The following WIZ variants were observed in gnomAD, a reference collection of about 807,000 sequenced individuals.
WIZ encodes the protein WIZ zinc finger, also known as protein Wiz.
WIZ carries 25 observed loss-of-function variants against 140.2 expected under a neutral mutation model. That is an observed-to-expected ratio of 0.18 (90% CI 0.13 to 0.25). The LOEUF is 0.25. Ranked by LOEUF, WIZ falls within the 10% of genes least tolerant of loss-of-function variation. The probability of loss-of-function intolerance (pLI) is 1.00; values close to 1 mark genes in which losing one functional copy is unlikely to be tolerated. For synonymous variants in WIZ, 1,125 were observed against 1,154.3 expected, an observed-to-expected ratio of 0.97 and a Z score of 0.51; for missense variants, 2,231 against 2,632.6, an observed-to-expected ratio of 0.85 and a Z score of 3.34.
chr19:15,423,908 T>C (rs1968537481), intron 12 of WIZ, among the ~76,000 whole-genome samples: 1 of 152,248 alleles, frequency 6.6e-6, no homozygotes, highest in Non-Finnish European at 1.5e-5. Flanking sequence ...AGGTTTGTTA[T>C]CAACCCGCTT....
rs527421214 is a variant in WIZ, at chr19:15,437,570, T to A, written c.2417-441A>T. Among the ~76,000 whole-genome samples, 461 of 152,312 alleles carry A rather than the reference T, an allele frequency of 3.0e-3. 2 individuals carry two copies. Among genetic ancestry groups the A allele is most frequent in the Non-Finnish European group, 4.3e-3 (291 of 68,026 alleles). On this transcript the variant is annotated intron_variant, in intron 4 of 12. Coordinates refer to ENST00000673675, the MANE Select transcript of WIZ (RefSeq NM_001371589.1). The stretch of plus-strand genomic sequence containing the variant: ...ACTTGGGAGGCTAAGGTGGGAGGAT[T>A]GCTTGAGCTTAGGAGTTTGAGGCTG...
chr19:15,427,239 T>G lies in WIZ; in HGVS notation c.4109A>C (p.His1370Pro), dbSNP rs773188946. ...SLEARSPSDL[H>P]ISPLAKKLPP... The stretch of plus-strand genomic sequence containing the variant: ...CAACTTCTTGGCCAAGGGTGAGATG[T>G]GAAGGTCCGAGGGGCTGCGGGCTTC... The change falls in exon 9 of 13, where the codon CAC (histidine) becomes CCC (proline). Residue 1370 changes from histidine to proline, a missense_variant. Coordinates refer to ENST00000673675, the MANE Select transcript of WIZ (RefSeq NM_001371589.1). This position sits in a 1 kb window ranked among gnomAD's most constrained non-coding sequence, Gnocchi z 6.4. The G allele has an allele frequency of 2.5e-6, 4 of 1,613,876 alleles. No homozygotes were observed. The Admixed American group carries it at 6.7e-5, about 27-fold the overall frequency.
At position 15,427,481 on chromosome 19, in the gene WIZ, G is replaced by A; in HGVS notation, c.3867C>T (p.Phe1289=). ...RDIRCEFCGE[F]FENRKGLSSH... is the part of the protein sequence containing the mutation. ...TCGAGAGGCCCTTGCGGTTCTCGAA[G>A]AACTCACCACAGAACTCGCAGCGGA... Residue 1289 remains phenylalanine (F), a synonymous_variant, in exon 9 of 13, where the codon TTC becomes TTT. Transcript: ENST00000673675. This position sits in a 1 kb window ranked among gnomAD's most constrained non-coding sequence, Gnocchi z 6.4. 2 of 1,613,210 alleles carry A rather than the reference G, an allele frequency of 1.2e-6. No individual in the cohort carries two copies. The highest frequency in any genetic ancestry group is 1.3e-5 in the African/African-American group (1 of 75,052).
rs781283101 is a variant in WIZ at position 15,425,475 on chromosome 19, G to A, written c.4660C>T (p.Leu1554=). 12 of 1,602,276 alleles carry A rather than the reference G, an allele frequency of 7.5e-6. No homozygotes were observed. In the African/African-American group the frequency reaches 1.6e-4, roughly 21 times the overall value. ...PVQSPLPLSP[L]AGRPGKPGAG... Reference sequence around the variant, plus strand: ...CCTGGTTTGCCTGGCCGGCCAGCCAGGGGCGACAGCGGCAGTGGGGACTGC... The same window carrying A: ...CCTGGTTTGCCTGGCCGGCCAGCCAAGGGCGACAGCGGCAGTGGGGACTGC... Residue 1554 remains leucine (L), a synonymous_variant, in exon 10 of 13, where the codon CTG becomes TTG. Coordinates refer to ENST00000673675, the MANE Select transcript of WIZ (RefSeq NM_001371589.1).
chr19:15,448,330 A>T lies in WIZ; in HGVS notation c.-23T>A, dbSNP rs562708225. 1 of 1,607,708 alleles carries T rather than the reference A, an allele frequency of 6.2e-7. No individual in the cohort carries two copies. The highest frequency in any genetic ancestry group is 1.7e-5 in the Admixed American group (1 of 59,832). Reference sequence around the variant, plus strand: ...CATCGGATTTTCTCTGCTTGGATCCACTCAGCTGCTGCACCGGCTCAGCGG... The same window carrying T: ...CATCGGATTTTCTCTGCTTGGATCCTCTCAGCTGCTGCACCGGCTCAGCGG... On this transcript the variant is annotated 5_prime_UTR_variant, in exon 2 of 13. Transcript: ENST00000673675.
Position 15,440,542 on chromosome 19 carries a change from G to A in WIZ, c.452C>T (p.Thr151Ile). 6.5e-7 allele frequency: 1 copy of A among 1,536,166 alleles called. No homozygotes were observed. Among genetic ancestry groups the A allele is most frequent in the South Asian group, 1.2e-5 (1 of 84,066 alleles). Residue 151 changes from threonine to isoleucine, a missense_variant, in exon 4 of 13, where the codon ACC (threonine) becomes ATC (isoleucine). By Grantham distance (89) the Thr-to-Ile change is moderately conservative. Transcript: ENST00000673675. This position sits in a 1 kb window ranked among gnomAD's most constrained non-coding sequence, Gnocchi z 6.2. ...CTCTAGCTCAGCGTGGGGTTTCATG[G>A]TTCTCACAATGACTGAGTCCTCGAA... Reference protein sequence around the residue: ...RRFEDSVIVRTMKPHAELEGS... With the variant: ...RRFEDSVIVRIMKPHAELEGS...
rs764081241 is a variant in WIZ, at chr19:15,424,822, T to C, written c.5105A>G (p.Lys1702Arg). 1.2e-6 allele frequency: 2 copies of C among 1,609,274 alleles called. No homozygotes were observed. The highest frequency in any genetic ancestry group is 1.1e-5 in the South Asian group (1 of 90,204). ...GCCATGGCCGGCACTGCGGAACTTCTTGGTGAAGGGGCGGCCGCCCTGGAT... is the reference window on the plus strand; with the variant it reads ...GCCATGGCCGGCACTGCGGAACTTCCTGGTGAAGGGGCGGCCGCCCTGGAT... ...SYIQGGRPFT[K>R]KFRSAGHGRD... Residue 1702 changes from lysine (K) to arginine (R), a missense_variant, in exon 11 of 13, where the codon AAG becomes AGG. By Grantham distance (26) the Lys-to-Arg change is conservative (BLOSUM62 2). Around this residue, in one of 15 missense-constraint regions of WIZ, gnomAD observed 299 missense variants for 309.6 expected, o/e 0.97. Transcript: ENST00000673675. This position sits in a 1 kb window ranked among gnomAD's most constrained non-coding sequence, Gnocchi z 9.7.
Position 15,429,777 on chromosome 19 carries a change from G to A in WIZ, c.3224C>T (p.Pro1075Leu). Reference protein sequence around the residue: ...PAVNKAIKSPPGFSAKGLGHP... With the variant: ...PAVNKAIKSPLGFSAKGLGHP... Reference sequence around the variant, plus strand: ...GCCCAGGCCCTTGGCCGAGAAGCCGGGAGGCGACTTGATGGCTTTGTTGAC... The same window carrying A: ...GCCCAGGCCCTTGGCCGAGAAGCCGAGAGGCGACTTGATGGCTTTGTTGAC... The change falls in exon 7 of 13, where the codon CCC (proline) becomes CTC (leucine). Residue 1075 changes from proline (P) to leucine (L), a missense_variant. Physicochemically the swap from Pro to Leu is moderately conservative, Grantham distance 98. Coordinates refer to ENST00000673675, the MANE Select transcript of WIZ (RefSeq NM_001371589.1). 6.6e-7 allele frequency: 1 copy of A among 1,516,134 alleles called. No homozygotes were observed. Among genetic ancestry groups the A allele is most frequent in the Non-Finnish European group, 8.8e-7 (1 of 1,134,260 alleles). The allele number at this position is 1,516,134 out of a possible 1,614,324, so 93.9% of individuals were successfully genotyped here.
Position 15,448,280 on chromosome 19 carries a change from C to A in WIZ, c.28G>T (p.Ala10Ser). The A allele has an allele frequency of 6.2e-7, 1 of 1,613,122 alleles. No individual in the cohort carries two copies. Among genetic ancestry groups the A allele is most frequent in the South Asian group, 1.1e-5 (1 of 91,072 alleles). The stretch of plus-strand genomic sequence containing the variant: ...GGGCCTTGGGGACGATCTGGTGCAG[C>A]CAGGCTGCCTGCCAGAGACCCCTCC... The part of the protein sequence containing the change: MEGSLAGSL[A>S]APDRPQGPER... The change falls in exon 2 of 13, where the codon GCT becomes TCT. Residue 10 changes from alanine to serine, a missense_variant. Physicochemically the swap from Ala to Ser is moderately conservative, Grantham distance 99. This residue lies in a region of WIZ where 85 missense variants were observed against 90.9 expected (regional missense o/e 0.94). Coordinates refer to ENST00000673675, the MANE Select transcript of WIZ (RefSeq NM_001371589.1).
intron 10 of WIZ, 99 bp from the exon 11 acceptor site, chr19:15,425,131 A>G: frequency 6.6e-7 from 1 of 1,518,602 alleles, no homozygotes. Context: ...CCTCCCACAC[A>G]GACCCAGCCA....
In WIZ at chr19:15,425,849, GGGAGGAGGGAGGAGGAGGA is replaced by G. The variant is rs1568290534; in HGVS notation, c.4367-100_4367-82del. On this transcript the variant is annotated intron_variant, in intron 9 of 12. Coordinates refer to ENST00000673675, the MANE Select transcript of WIZ (RefSeq NM_001371589.1). ...GAGGGAGGAGGAGGGAGGAGGAGGAGGGAGGAGGGAGGAGGAGGAGGAGGAGGAGGAGGAGGAGGAGGAG... is the reference window on the plus strand; with the variant it reads ...GAGGGAGGAGGAGGGAGGAGGAGGAGGGAGGAGGAGGAGGAGGAGGAGGAG... 3 of 17,766 alleles carry G rather than the reference GGGAGGAGGGAGGAGGAGGA, an allele frequency of 1.7e-4. 1 individual carries two copies. The highest frequency in any genetic ancestry group is 2.6e-4 in the Non-Finnish European group (3 of 11,538). 1.1% of individuals were successfully genotyped at this position (17,766 alleles called of 1,614,324 possible).
At chr19:15,429,212 A>C (rs956259891) in intron 7 of WIZ, among the ~76,000 whole-genome samples, 8 of 152,114 alleles carry the variant, frequency 5.3e-5, no homozygotes, top group African/African-American at 1.9e-4. Context: ...TCTATCCAAG[A>C]TGCTTCCAAC....
At chr19:15,437,843 C>G (rs1351457365) in intron 4 of WIZ, among the ~76,000 whole-genome samples, 1 of 152,196 alleles carries the variant, frequency 6.6e-6, no homozygotes, top group Non-Finnish European at 1.5e-5. Context: ...GGAGCCTTCT[C>G]TGAGCCCTGC....
Position 15,427,550 on chromosome 19 carries a change from A to G in WIZ, c.3815-17T>C. The G allele has an allele frequency of 1.1e-5, 17 of 1,596,866 alleles. No individual in the cohort carries two copies. The highest frequency in any genetic ancestry group is 1.5e-5 in the Non-Finnish European group (17 of 1,169,332). On this transcript the variant is annotated splice_polypyrimidine_tract_variant and intron_variant, in intron 8 of 12. Coordinates refer to ENST00000673675, the MANE Select transcript of WIZ (RefSeq NM_001371589.1). The surrounding 1 kb of genome is among the most constrained non-coding windows in gnomAD (Gnocchi z 6.4). ...GGCCTGAGGCTGCAGCAGGAGGAGAAAGGGGCAGTTAGCATCGTGGAACTG... is the reference window on the plus strand; with the variant it reads ...GGCCTGAGGCTGCAGCAGGAGGAGAGAGGGGCAGTTAGCATCGTGGAACTG...
rs1969785639 is a variant in WIZ, at chr19:15,442,648, CTG to C, written c.278+26_278+27del. Reference sequence around the variant, plus strand: ...TGTCCTGCTTGCCCCCCTGCCCTCCCTGAGGTCAGGGCCAGCATGGCACTCAC... The same window carrying C: ...TGTCCTGCTTGCCCCCCTGCCCTCCCAGGTCAGGGCCAGCATGGCACTCAC... On this transcript the variant is annotated intron_variant, in intron 3 of 12. Transcript: ENST00000673675. This position sits in a 1 kb window ranked among gnomAD's most constrained non-coding sequence, Gnocchi z 5.5. 1.6e-6 allele frequency: 2 copies of C among 1,229,390 alleles called. No homozygotes were observed. The highest frequency in any genetic ancestry group is 2.0e-6 in the Non-Finnish European group (2 of 985,550). 76.2% of individuals were successfully genotyped at this position (1,229,390 alleles called of 1,614,324 possible).
chr19:15,432,384 C>A (rs1339251116), intron 5 of WIZ: 15 of 965,376 alleles, frequency 1.6e-5, no homozygotes, highest in Non-Finnish European at 1.7e-5. Flanking sequence ...CACCGGCAGG[C>A]GGGATTCCGA....
In WIZ at chr19:15,426,471, G is replaced by C. The variant is rs140827033; in HGVS notation, c.4366+511C>G. Among the ~76,000 whole-genome samples the C allele has an allele frequency of 2.2e-3, 342 of 152,324 alleles. 2 individuals carry two copies. The highest frequency in any genetic ancestry group is 7.9e-3 in the African/African-American group (329 of 41,570). ...TTAATCCTCAAGAAAACCAGACAGA[G>C]TTGGGACTATGCTGATCTCCATCTT... On this transcript the variant is annotated intron_variant, in intron 9 of 12. Transcript: ENST00000673675.
At position 15,428,634 on chromosome 19, in the gene WIZ, C is replaced by T; in HGVS notation, c.3416-126G>A. 1 of 1,121,682 alleles carries T rather than the reference C, an allele frequency of 8.9e-7. No individual in the cohort carries two copies. Among genetic ancestry groups the T allele is most frequent in the Non-Finnish European group, 1.3e-6 (1 of 796,150 alleles). The allele number at this position is 1,121,682 out of a possible 1,614,324, so 69.5% of individuals were successfully genotyped here. ...GTTGGGGGGTCCAAGACTCAGGCCG[C>T]AGATTTCTTTTGAAGTTTGGGAAGC... On this transcript the variant is annotated intron_variant, in intron 7 of 12. Coordinates refer to ENST00000673675, the MANE Select transcript of WIZ (RefSeq NM_001371589.1). This position sits in a 1 kb window ranked among gnomAD's most constrained non-coding sequence, Gnocchi z 6.4.
At chr19:15,438,439 G>T in intron 4 of WIZ, 139 bp downstream of exon 4, 1 of 954,060 alleles carries the variant, frequency 1.0e-6, no homozygotes, top group Non-Finnish European at 1.5e-6. Context: ...CGACCAGGTG[G>T]CCTTCACTGT....
Sources: allele counts gnomAD v4.1 joint callset (sites outside exome capture counted in the v4.1 genomes callset), GRCh38; gene constraint gnomAD v4.1.1; regional missense constraint gnomAD v4.1.1; non-coding constraint Gnocchi (gnomAD v3.1); transcripts MANE v1.5; gene names NCBI Gene and HGNC (gene_info 2026-07-23, HGNC 2026-07-21).